STMN2: variants seen among roughly 807,000 people sequenced by gnomAD.
STMN2 encodes stathmin-2.
A neutral mutation model predicts 24.1 loss-of-function variants in STMN2; 2 were observed. The ratio of observed to expected loss-of-function variants is 0.08; its 90% confidence interval spans 0.03 to 0.26. STMN2 has a LOEUF of 0.26. Ranked by LOEUF, STMN2 falls within the 10% of genes least tolerant of loss-of-function variation. The pLI is 1.00. For synonymous variants in STMN2, 83 were observed against 77.5 expected (o/e 1.07, Z -0.37); for missense variants, 114 against 213.6 (o/e 0.53, Z 2.91).
intron 1 of STMN2, among the ~76,000 whole-genome samples, chr8:79,633,495 A>G (rs1405310052): frequency 6.6e-6 from 1 of 152,214 alleles, no homozygotes; most frequent in East Asian, 1.9e-4. Context: ...GTGGCTTATA[A>G]ACAACAGAAA....
intron 1 of STMN2, among the ~76,000 whole-genome samples, chr8:79,619,744 T>G (rs1377987853): frequency 3.3e-5 from 5 of 152,228 alleles, no homozygotes; most frequent in African/African-American, 9.6e-5. Flanking sequence ...TACAGCTTTA[T>G]CTGAGAAATT....
chr8:79,618,287 G>A (rs1200877800), intron 1 of STMN2, among the ~76,000 whole-genome samples: 5 of 152,314 alleles, frequency 3.3e-5, no homozygotes, highest in South Asian at 4.1e-4. Flanking sequence ...CTATGAGGCC[G>A]TGTGGGTTGT....
At chr8:79,623,597 C>A (rs1809570812) in intron 1 of STMN2, among the ~76,000 whole-genome samples, 1 of 152,066 alleles carries the variant, frequency 6.6e-6, no homozygotes, top group Non-Finnish European at 1.5e-5. Context: ...TGATAATCTG[C>A]ATATAAAAAT....
At chr8:79,613,795 A>C in intron 1 of STMN2, 2 of 985,350 alleles carry the variant, frequency 2.0e-6, no homozygotes, top group Non-Finnish European at 1.2e-6. Context: ...TTAAGTTATA[A>C]AGCAAATATA....
At chr8:79,620,502 G>A (rs1030939681) in intron 1 of STMN2, among the ~76,000 whole-genome samples, 2 of 151,980 alleles carry the variant, frequency 1.3e-5, no homozygotes, top group East Asian at 3.9e-4. Context: ...AAATAAAAAT[G>A]TTCCTCACCC....
intron 1 of STMN2, among the ~76,000 whole-genome samples, chr8:79,627,784 C>G (rs2130323922): frequency 6.6e-6 from 1 of 152,292 alleles, no homozygotes; most frequent in Non-Finnish European, 1.5e-5. Flanking sequence ...TCTCCCACCT[C>G]CACCCTAGCC....
chr8:79,665,082 A>T lies in STMN2; in HGVS notation c.*208A>T. On this transcript the variant is annotated 3_prime_UTR_variant, in exon 5 of 5. Coordinates refer to ENST00000220876, the MANE Select transcript of STMN2 (RefSeq NM_007029.4). ...GCTTGATGTTTAAAAAATACCTTGGATCTTATTTTGTAAATACTTACATTT... is the reference window on the plus strand; with the variant it reads ...GCTTGATGTTTAAAAAATACCTTGGTTCTTATTTTGTAAATACTTACATTT... 2 of 375,640 alleles carry T rather than the reference A, an allele frequency of 5.3e-6. No individual in the cohort carries two copies. Among genetic ancestry groups the T allele is most frequent in the Non-Finnish European group, 9.3e-6 (2 of 214,016 alleles). 23.3% of individuals were successfully genotyped at this position (375,640 alleles called of 1,614,324 possible).
rs1390915792 is a variant in STMN2, at chr8:79,665,442, T to C, written c.*568T>C. The C allele has an allele frequency of 6.5e-6, 1 of 154,428 alleles. No individual in the cohort carries two copies. Among genetic ancestry groups the C allele is most frequent in the Non-Finnish European group, 1.5e-5 (1 of 68,238 alleles). 9.6% of individuals were successfully genotyped at this position (154,428 alleles called of 1,614,324 possible). A position where few individuals can be genotyped will look rare whatever the true frequency, so the allele number is the denominator to read the frequency against. On this transcript the variant is annotated 3_prime_UTR_variant, in exon 5 of 5. Coordinates refer to ENST00000220876, the MANE Select transcript of STMN2 (RefSeq NM_007029.4). ...CTGCCTAAAAACTACAAAACCAGGC[T>C]AAGAAATACCACCAGTCATAGCATT...
chr8:79,665,003 CA>C lies in STMN2; in HGVS notation c.*137del, dbSNP rs888823342. On this transcript the variant is annotated 3_prime_UTR_variant, in exon 5 of 5. Transcript: ENST00000220876. ...AGAACTCATTATAAAAAAAAAAAAA[CA>C]AAAAAAATCAAAAATTAAAAAAAAT... 23 of 617,124 alleles carry C rather than the reference CA, an allele frequency of 3.7e-5. No individual in the cohort carries two copies. Among genetic ancestry groups the C allele is most frequent in the Middle Eastern group, 3.2e-4 (1 of 3,144 alleles). The allele number at this position is 617,124 out of a possible 1,614,324, so 38.2% of individuals were successfully genotyped here.
intron 1 of STMN2, among the ~76,000 whole-genome samples, chr8:79,631,049 A>G (rs1052387336): frequency 6.6e-6 from 1 of 152,206 alleles, no homozygotes; most frequent in African/African-American, 2.4e-5. Context: ...AGGGGAAAGA[A>G]AAAAAGGACA....
intron 2 of STMN2, 25 bp from the exon 3 acceptor site, chr8:79,641,353 A>G (rs1810090836): frequency 1.6e-5 from 26 of 1,607,510 alleles, no homozygotes; most frequent in Non-Finnish European, 2.1e-5. Context: ...TGTATGCTTA[A>G]CATTCTCAAA....
At chr8:79,637,359 T>C (rs1424887707) in intron 2 of STMN2, among the ~76,000 whole-genome samples, 1 of 152,214 alleles carries the variant, frequency 6.6e-6, no homozygotes, top group African/African-American at 2.4e-5. Context: ...ATGATAATAA[T>C]AATTGGCTCA....
rs998627214 is a variant in STMN2 at position 79,611,597 on chromosome 8, T to C, written c.19+383T>C. ...ACCTTTTTTTTTTTTATTTCTTCTC[T>C]AGTTTAAGAAGAAAATAGGAAAGGG... is the stretch of plus-strand genomic sequence containing the variant. On this transcript the variant is annotated intron_variant, in intron 1 of 4. Coordinates refer to ENST00000220876, the MANE Select transcript of STMN2 (RefSeq NM_007029.4). 58 of 221,272 alleles carry C rather than the reference T, an allele frequency of 2.6e-4. 1 individual carries two copies. Among genetic ancestry groups the C allele is most frequent in the African/African-American group, 1.3e-3 (56 of 43,302 alleles). The allele number at this position is 221,272 out of a possible 1,614,324, so 13.7% of individuals were successfully genotyped here. A position where few individuals can be genotyped will look rare whatever the true frequency, so the allele number is the denominator to read the frequency against.
chr8:79,631,355 A>G (rs1187682730), intron 1 of STMN2: 2 of 845,498 alleles, frequency 2.4e-6, no homozygotes, highest in Non-Finnish European at 2.8e-6. Flanking sequence ...CCATAGAAAA[A>G]CTATAATGCT....
At chr8:79,618,988 AATAG>A (rs1809448693) in intron 1 of STMN2, among the ~76,000 whole-genome samples, 1 of 152,204 alleles carries the variant, frequency 6.6e-6, no homozygotes, top group African/African-American at 2.4e-5. Context: ...TATGGCAAGA[AATAG>A]ATAATTACAG....
chr8:79,629,888 C>T (rs1455568474), intron 1 of STMN2, among the ~76,000 whole-genome samples: 1 of 152,162 alleles, frequency 6.6e-6, no homozygotes, highest in Admixed American at 6.5e-5. Context: ...ATAAGACATA[C>T]TCAGATCTAA....
intron 4 of STMN2, among the ~76,000 whole-genome samples, chr8:79,661,760 T>C (rs1286957403): frequency 2.0e-5 from 3 of 152,074 alleles, no homozygotes; most frequent in African/African-American, 7.2e-5. Flanking sequence ...AGAGACTAGA[T>C]TTGAATGCAA....
intron 1 of STMN2, among the ~76,000 whole-genome samples, chr8:79,612,008 G>A (rs955447163): frequency 6.6e-6 from 1 of 152,108 alleles, no homozygotes; most frequent in Admixed American, 6.5e-5. Context: ...CCGGGGGGAG[G>A]CACCTGCAGC....
At chr8:79,652,722 A>T (rs1283460826) in intron 3 of STMN2, among the ~76,000 whole-genome samples, 4 of 152,060 alleles carry the variant, frequency 2.6e-5, no homozygotes, top group African/African-American at 9.7e-5. Context: ...TGCAAACATT[A>T]TTTTGTTTGA....
Sources: gnomAD v4.1 joint callset for allele counts (sites outside exome capture counted in the v4.1 genomes callset) on GRCh38, gnomAD v4.1.1 for gene constraint, MANE v1.5 for transcripts, NCBI Gene and HGNC (gene_info 2026-07-23, HGNC 2026-07-21) for gene names.